SLIT3: variants seen among roughly 807,000 people sequenced by gnomAD.
SLIT3 encodes slit homolog 3 protein.
SLIT3 carries 68 observed loss-of-function variants against 184.0 expected under a neutral mutation model. The observed-to-expected ratio is 0.37, with a 90% CI of 0.30 to 0.45. SLIT3 has a LOEUF of 0.45. Among genes scored for constraint, SLIT3 ranks in the 20% least tolerant of loss-of-function variants. The pLI, the probability that SLIT3 is intolerant of heterozygous loss-of-function variation, is 1.00. For missense variants in SLIT3, 1,707 were observed against 2,026.0 expected (o/e 0.84, Z 3.02); for synonymous variants, 831 against 828.6 (o/e 1.00, Z -0.05).
intron 8 of SLIT3, among the ~76,000 whole-genome samples, chr5:168,806,946 G>A (rs1021375319): frequency 1.3e-5 from 2 of 152,168 alleles, no homozygotes; most frequent in Non-Finnish European, 2.9e-5. Flanking sequence ...TGGGGTTTTA[G>A]CTGGTATTGG....
chr5:169,277,211 CTCTTT>C (rs1486439184), intron 1 of SLIT3, among the ~76,000 whole-genome samples: 2 of 152,030 alleles, frequency 1.3e-5, no homozygotes, highest in African/African-American at 2.4e-5. Flanking sequence ...AGCATAATCT[CTCTTT>C]TCTTTTCTTT....
Position 169,300,720 on chromosome 5 carries a change from GC to G in SLIT3, c.-12del, listed in dbSNP as rs1362306475. The G allele has an allele frequency of 7.6e-7, 1 of 1,314,998 alleles. No homozygotes were observed. The highest frequency in any genetic ancestry group is 9.7e-7 in the Non-Finnish European group (1 of 1,035,830). The allele number at this position is 1,314,998 out of a possible 1,614,324, so 81.5% of individuals were successfully genotyped here. ...CCACCCGGGGGCCATGGTGTGCAGGGCCCCGCTCCTGGAGGAGGCTGCCTCT... is the reference window on the plus strand; with the variant it reads ...CCACCCGGGGGCCATGGTGTGCAGGGCCCGCTCCTGGAGGAGGCTGCCTCT... On this transcript the variant is annotated 5_prime_UTR_variant, in exon 1 of 36. Transcript: ENST00000519560. The surrounding 1 kb of genome is among the most constrained non-coding windows in gnomAD (Gnocchi z 4.1).
At chr5:169,204,153 T>C (rs777015404) in intron 3 of SLIT3, among the ~76,000 whole-genome samples, 1 of 151,356 alleles carries the variant, frequency 6.6e-6, no homozygotes, top group Non-Finnish European at 1.5e-5. Context: ...GAGAGCATAG[T>C]TGTGAAGGCC....
intron 4 of SLIT3, among the ~76,000 whole-genome samples, chr5:168,931,146 A>G (rs1761977446): frequency 6.6e-6 from 1 of 152,202 alleles, no homozygotes. Flanking sequence ...GGAGGAAGTA[A>G]ACAAAGGCAT....
intron 4 of SLIT3, among the ~76,000 whole-genome samples, chr5:168,945,231 G>A (rs1166409266): frequency 6.7e-6 from 1 of 148,766 alleles, no homozygotes; most frequent in African/African-American, 2.5e-5. Context: ...CAAAAGCTTC[G>A]TGATTGGTAT....
intron 4 of SLIT3, among the ~76,000 whole-genome samples, chr5:169,064,289 T>C (rs1036370689): frequency 6.6e-6 from 1 of 152,198 alleles, no homozygotes; most frequent in African/African-American, 2.4e-5. Flanking sequence ...TATTCTTGGC[T>C]CCGAGCCACT....
intron 4 of SLIT3, among the ~76,000 whole-genome samples, chr5:169,016,843 A>G (rs764758242): frequency 6.6e-6 from 1 of 152,210 alleles, no homozygotes; most frequent in Non-Finnish European, 1.5e-5. Flanking sequence ...AACATAGTAA[A>G]TGCTCTATAA....
intron 12 of SLIT3, among the ~76,000 whole-genome samples, chr5:168,780,099 C>T (rs187256407): frequency 2.7e-4 from 41 of 152,364 alleles, no homozygotes; most frequent in African/African-American, 7.7e-4. Flanking sequence ...TTGGCAACTC[C>T]AGCAATTCAC....
Position 169,060,637 on chromosome 5 carries a change from T to A in SLIT3, c.413+132842A>T, listed in dbSNP as rs147975968. On this transcript the variant is annotated intron_variant, in intron 4 of 35. Coordinates refer to ENST00000519560, the MANE Select transcript of SLIT3 (RefSeq NM_003062.4). ...CTGGGAGTCTGCATCAGGCTCTATGTCTCCTCTTCTCTATTGCACCAAGTG... is the reference window on the plus strand; with the variant it reads ...CTGGGAGTCTGCATCAGGCTCTATGACTCCTCTTCTCTATTGCACCAAGTG... Among the ~76,000 whole-genome samples, 14 of 152,280 alleles carry A rather than the reference T, an allele frequency of 9.2e-5. No homozygotes were observed. The East Asian group carries it at 2.5e-3, about 27-fold the overall frequency.
chr5:168,856,560 A>T (rs936960482), intron 5 of SLIT3, among the ~76,000 whole-genome samples: 4 of 152,138 alleles, frequency 2.6e-5, no homozygotes, highest in Admixed American at 2.6e-4. Flanking sequence ...AGGGGGGAAA[A>T]TGTCAGTTTA....
chr5:169,111,133 C>T (rs931879490), intron 4 of SLIT3, among the ~76,000 whole-genome samples: 4 of 152,282 alleles, frequency 2.6e-5, no homozygotes, highest in Non-Finnish European at 4.4e-5. Flanking sequence ...TGTTCATGTC[C>T]TCTCTACCTT....
chr5:168,803,047 C>T (rs926315609), intron 9 of SLIT3, among the ~76,000 whole-genome samples: 24 of 152,192 alleles, frequency 1.6e-4, no homozygotes, highest in Admixed American at 6.5e-4. Flanking sequence ...TGGAAACACT[C>T]TAGCTAGGAT....
At chr5:169,120,490 A>T (rs550674658) in intron 4 of SLIT3, 1 of 152,284 alleles carries the variant, frequency 6.6e-6, no homozygotes, top group East Asian at 1.9e-4. Flanking sequence ...AATCAGGAAA[A>T]AGGCAAAGAA....
Position 168,749,586 on chromosome 5 carries a change from C to A in SLIT3, c.2023G>T (p.Gly675Cys), listed in dbSNP as rs761705294. Residue 675 changes from glycine (G) to cysteine (C), a missense_variant, in exon 19 of 36, where the codon GGC becomes TGC. Transcript: ENST00000519560. ...ATCCGCCTCTTCCTCAACCACTTGC[C>A]GAGCCAGGCCAGGTGGCAGTTGCAG... ...FNCNCHLAWL[G>C]KWLRKRRIVS... The A allele has an allele frequency of 3.0e-5, 48 of 1,614,056 alleles. No homozygotes were observed. Among genetic ancestry groups the A allele is most frequent in the Non-Finnish European group, 3.7e-5 (44 of 1,180,038 alleles).
intron 4 of SLIT3, among the ~76,000 whole-genome samples, chr5:169,007,011 C>A (rs554566040): frequency 2.8e-4 from 43 of 152,224 alleles, no homozygotes; most frequent in Middle Eastern, 3.4e-3. Flanking sequence ...ATTGTAATCC[C>A]CAGGGGTCAA....
chr5:168,802,147 A>G (rs1168045609), intron 9 of SLIT3, among the ~76,000 whole-genome samples: 6 of 93,368 alleles, frequency 6.4e-5, no homozygotes, highest in Non-Finnish European at 1.2e-4. Flanking sequence ...TCTCAATAAG[A>G]AAAAAAAAAA....
intron 4 of SLIT3, among the ~76,000 whole-genome samples, chr5:169,001,599 A>C (rs1442688495): frequency 2.0e-5 from 3 of 152,176 alleles, no homozygotes; most frequent in Non-Finnish European, 4.4e-5. Context: ...ATCTCATGAC[A>C]GGCCAAAGAT....
intron 14 of SLIT3, among the ~76,000 whole-genome samples, chr5:168,763,089 GA>G (rs1371046251): frequency 6.6e-6 from 1 of 152,074 alleles, no homozygotes; most frequent in African/African-American, 2.4e-5. Flanking sequence ...ATCATTCATG[GA>G]CCCTCTAAAT....
At chr5:169,048,720 T>A (rs1182914630) in intron 4 of SLIT3, among the ~76,000 whole-genome samples, 2 of 152,196 alleles carry the variant, frequency 1.3e-5, no homozygotes, top group African/African-American at 4.8e-5. Context: ...TTGCCTCGGA[T>A]AATAACAGCC....
Sources: allele counts gnomAD v4.1 joint callset (sites outside exome capture counted in the v4.1 genomes callset), GRCh38; gene constraint gnomAD v4.1.1; non-coding constraint Gnocchi (gnomAD v3.1); transcripts MANE v1.5; gene names NCBI Gene and HGNC (gene_info 2026-07-23, HGNC 2026-07-21).